Variants in PLA2G2D observed in about 807,000 individuals in gnomAD.
PLA2G2D encodes group IID secretory phospholipase A2.
Under a neutral mutation model 13.9 loss-of-function variants are expected in PLA2G2D, and 17 were observed. The observed-to-expected ratio is 1.23, with a 90% CI of 0.84 to 1.84. The LOEUF (loss-of-function observed/expected upper bound fraction) is 1.84, where lower values mean the gene tolerates loss of function less well. PLA2G2D is among the 40% of genes most tolerant of loss of function. The probability of loss-of-function intolerance (pLI) is 0.00; values close to 1 mark genes in which losing one functional copy is unlikely to be tolerated. For missense variants in PLA2G2D, 194 were observed against 178.7 expected, an observed-to-expected ratio of 1.09 and a Z score of -0.49; for synonymous variants, 83 against 69.3, an observed-to-expected ratio of 1.20 and a Z score of -0.98.
At position 20,116,489 on chromosome 1, in the gene PLA2G2D, C is replaced by A; in HGVS notation, c.41-12G>T. On this transcript the variant is annotated splice_polypyrimidine_tract_variant and intron_variant, in intron 1 of 3. Coordinates refer to ENST00000375105, the MANE Select transcript of PLA2G2D (RefSeq NM_012400.4). ...GATTGGAATCACACCTGCCAAGCAG[C>A]CCAGCAACCAGGAGAGAAGAGGAGA... 2 of 1,614,068 alleles carry A rather than the reference C, an allele frequency of 1.2e-6. No homozygotes were observed. Among genetic ancestry groups the A allele is most frequent in the South Asian group, 2.2e-5 (2 of 91,076 alleles).
chr1:20,118,623 C>A (rs1253036039), intron 1 of PLA2G2D, among the ~76,000 whole-genome samples: 2 of 152,168 alleles, frequency 1.3e-5, no homozygotes, highest in Non-Finnish European at 2.9e-5. Context: ...CCATTAGAGT[C>A]CCTCTAACAG....
At position 20,113,682 on chromosome 1, in the gene PLA2G2D, T is replaced by C. The variant is rs1006755456; in HGVS notation, c.*432A>G. 3.8e-5 allele frequency: 6 copies of C among 159,154 alleles called. No homozygotes were observed. The highest frequency in any genetic ancestry group is 7.2e-5 in the African/African-American group (3 of 41,562). The allele number at this position is 159,154 out of a possible 1,614,324, so 9.9% of individuals were successfully genotyped here. ...TATGAGAGGCTTTATCTTAGGACAG[T>C]GGAGGGCCTTGAGGTTTTAAAAGAT... On this transcript the variant is annotated 3_prime_UTR_variant, in exon 4 of 4. Transcript: ENST00000375105.
chr1:20,114,038 A>T lies in PLA2G2D; in HGVS notation c.*76T>A. Reference sequence around the variant, plus strand: ...CTCCCCCCGGAGTGTTTGAAAAGCCAGGCTGGTTCAGGTTAGATACTGAGG... The same window carrying T: ...CTCCCCCCGGAGTGTTTGAAAAGCCTGGCTGGTTCAGGTTAGATACTGAGG... On this transcript the variant is annotated 3_prime_UTR_variant, in exon 4 of 4. Coordinates refer to ENST00000375105, the MANE Select transcript of PLA2G2D (RefSeq NM_012400.4). The T allele has an allele frequency of 7.1e-7, 1 of 1,411,904 alleles. No homozygotes were observed. The highest frequency in any genetic ancestry group is 9.7e-7 in the Non-Finnish European group (1 of 1,026,984). The allele number at this position is 1,411,904 out of a possible 1,614,324, so 87.5% of individuals were successfully genotyped here.
intron 2 of PLA2G2D, 30 bp from the exon 3 acceptor site, chr1:20,115,643 G>C: frequency 7.2e-7 from 1 of 1,393,642 alleles, no homozygotes; most frequent in South Asian, 1.2e-5. Context: ...CAGCTGCATG[G>C]GTCCCCAGCC....
chr1:20,119,146 G>A lies in PLA2G2D; in HGVS notation c.40+313C>T, dbSNP rs148494089. Among the ~76,000 whole-genome samples, 5 of 152,288 alleles carry A rather than the reference G, an allele frequency of 3.3e-5. No homozygotes were observed. The East Asian group carries it at 7.7e-4, about 23-fold the overall frequency. On this transcript the variant is annotated intron_variant, in intron 1 of 3. Coordinates refer to ENST00000375105, the MANE Select transcript of PLA2G2D (RefSeq NM_012400.4). ...GCTCCTATTCAGTGGGAGAGGTAGG[G>A]GTGAAGTGACCTGTGTCCAAAGCGT...
At chr1:20,117,053 TTAAA>T (rs1406240694) in intron 1 of PLA2G2D, among the ~76,000 whole-genome samples, 1 of 152,170 alleles carries the variant, frequency 6.6e-6, no homozygotes, top group African/African-American at 2.4e-5. Context: ...TACTGTCATA[TTAAA>T]TAAATAAACT....
In PLA2G2D at chr1:20,114,192, C is replaced by T. The variant is rs775242983; in HGVS notation, c.360G>A (p.Lys120=). 3 of 1,614,078 alleles carry T rather than the reference C, an allele frequency of 1.9e-6. No individual in the cohort carries two copies. The highest frequency in any genetic ancestry group is 2.5e-6 in the Non-Finnish European group (3 of 1,179,972). Reference sequence around the variant, plus strand: ...GCTTCTGGTAGGTGTCCAGGTTGCGCTTCAGGCAGAAGGCCACCTCCTTGT... The same window carrying T: ...GCTTCTGGTAGGTGTCCAGGTTGCGTTTCAGGCAGAAGGCCACCTCCTTGT... ...ACDKEVAFCL[K]RNLDTYQKRL... is the part of the protein sequence containing the mutation. The change falls in exon 4 of 4, where the codon AAG becomes AAA. Residue 120 remains lysine, a synonymous_variant. Coordinates refer to ENST00000375105, the MANE Select transcript of PLA2G2D (RefSeq NM_012400.4).
rs58075877 is a variant in PLA2G2D, at chr1:20,112,479, G to A, written c.*1635C>T. 6.6e-6 allele frequency: 1 copy of A among 152,114 alleles called. No individual in the cohort carries two copies. The highest frequency in any genetic ancestry group is 2.4e-5 in the African/African-American group (1 of 41,392). 9.4% of individuals were successfully genotyped at this position (152,114 alleles called of 1,614,324 possible). The stretch of plus-strand genomic sequence containing the variant: ...AGTCACCACATCTCAGAACTGCTCA[G>A]TCAGCTGAGGCACAGATGGTGCCAC... On this transcript the variant is annotated 3_prime_UTR_variant, in exon 4 of 4. Transcript: ENST00000375105.
rs1557766064 is a variant in PLA2G2D, at chr1:20,111,969, T to TTTTATTTTATTTTA, written c.*2144_*2145insTAAAATAAAATAAA. ...TTTTATTTTATTTTATTTTATTTTA[T>TTTTATTTTATTTTA]TTTATTTTATTTTTTGAGACAGAGT... On this transcript the variant is annotated 3_prime_UTR_variant, in exon 4 of 4. Transcript: ENST00000375105. 4 of 150,062 alleles carry TTTTATTTTATTTTA rather than the reference T, an allele frequency of 2.7e-5. No individual in the cohort carries two copies. Among genetic ancestry groups the TTTTATTTTATTTTA allele is most frequent in the Non-Finnish European group, 5.9e-5 (4 of 67,718 alleles). The allele number at this position is 150,062 out of a possible 1,614,324, so 9.3% of individuals were successfully genotyped here. A position where few individuals can be genotyped will look rare whatever the true frequency, so the allele number is the denominator to read the frequency against.
intron 2 of PLA2G2D, 115 bp downstream of exon 2, chr1:20,116,218 G>T: frequency 9.1e-7 from 1 of 1,093,250 alleles, no homozygotes; most frequent in Non-Finnish European, 1.4e-6. Flanking sequence ...TTAGCACATA[G>T]TAGATGCTCA....
At chr1:20,116,305 G>C in intron 2 of PLA2G2D, 28 bp downstream of exon 2, 1 of 1,611,124 alleles carries the variant, frequency 6.2e-7, no homozygotes, top group Non-Finnish European at 8.5e-7. Flanking sequence ...GGACAGTATA[G>C]GATTGCCAGC....
In PLA2G2D at chr1:20,119,441, G is replaced by A; in HGVS notation, c.40+18C>T. 3.7e-6 allele frequency: 6 copies of A among 1,610,410 alleles called. No individual in the cohort carries two copies. Among genetic ancestry groups the A allele is most frequent in the Non-Finnish European group, 4.2e-6 (5 of 1,176,842 alleles). On this transcript the variant is annotated intron_variant, in intron 1 of 3. Transcript: ENST00000375105. ...CTCCCTCCTTCCCTTCCCAGCCTGGGTCCCGTCCCCGACTCACCAGCCATC... is the reference window on the plus strand; with the variant it reads ...CTCCCTCCTTCCCTTCCCAGCCTGGATCCCGTCCCCGACTCACCAGCCATC...
intron 1 of PLA2G2D, among the ~76,000 whole-genome samples, chr1:20,117,582 A>T (rs2017015007): frequency 6.6e-6 from 1 of 152,190 alleles, no homozygotes; most frequent in South Asian, 2.1e-4. Context: ...GGAGAAATAA[A>T]ATATATTAAG....
chr1:20,115,444 C>G (rs2016964918), intron 3 of PLA2G2D, 63 bp downstream of exon 3: 1 of 915,302 alleles, frequency 1.1e-6, no homozygotes, highest in Non-Finnish European at 1.8e-6. Flanking sequence ...GCTGTGAAGG[C>G]AGTGGGGGCC....
At position 20,114,228 on chromosome 1, in the gene PLA2G2D, C is replaced by T. The variant is rs758251936; in HGVS notation, c.324G>A (p.Leu108=). The T allele has an allele frequency of 6.2e-7, 1 of 1,614,078 alleles. No individual in the cohort carries two copies. Among genetic ancestry groups the T allele is most frequent in the South Asian group, 1.1e-5 (1 of 91,064 alleles). ...SDKGSWCEQQ[L]CACDKEVAFC... ...AGGCCACCTCCTTGTCACAGGCACA[C>T]AGCTGCTGCTCACACCAGCTTCCCT... The change falls in exon 4 of 4, where the codon CTG becomes CTA. Residue 108 remains leucine, a synonymous_variant. Coordinates refer to ENST00000375105, the MANE Select transcript of PLA2G2D (RefSeq NM_012400.4).
At chr1:20,116,516 G>T in intron 1 of PLA2G2D, 39 bp from the exon 2 acceptor site, 2 of 1,611,626 alleles carry the variant, frequency 1.2e-6, no homozygotes, top group Non-Finnish European at 1.7e-6. Flanking sequence ...AAGAGGAGAT[G>T]AATTTCAGGG....
chr1:20,119,370 G>A (rs2017047647), intron 1 of PLA2G2D, 89 bp downstream of exon 1: 5 of 1,161,372 alleles, frequency 4.3e-6, no homozygotes, highest in South Asian at 2.4e-5. Context: ...GGGGATCAGA[G>A]CAGCAGCCCC....
In PLA2G2D at chr1:20,112,091, T is replaced by G. The variant is rs1166950491; in HGVS notation, c.*2023A>C. 1 of 151,844 alleles carries G rather than the reference T, an allele frequency of 6.6e-6. No homozygotes were observed. Among genetic ancestry groups the G allele is most frequent in the Non-Finnish European group, 1.5e-5 (1 of 67,946 alleles). 9.4% of individuals were successfully genotyped at this position (151,844 alleles called of 1,614,324 possible). Reference sequence around the variant, plus strand: ...AAGTGATTCTCCTGCCTCAGCCTCCTGAATAGCTGGGATTACAGGCACCCA... The same window carrying G: ...AAGTGATTCTCCTGCCTCAGCCTCCGGAATAGCTGGGATTACAGGCACCCA... On this transcript the variant is annotated 3_prime_UTR_variant, in exon 4 of 4. Transcript: ENST00000375105.
At position 20,112,458 on chromosome 1, in the gene PLA2G2D, A is replaced by G. The variant is rs796678476; in HGVS notation, c.*1656T>C. 3 of 152,246 alleles carry G rather than the reference A, an allele frequency of 2.0e-5. No homozygotes were observed. The highest frequency in any genetic ancestry group is 7.2e-5 in the African/African-American group (3 of 41,530). 9.4% of individuals were successfully genotyped at this position (152,246 alleles called of 1,614,324 possible). On this transcript the variant is annotated 3_prime_UTR_variant, in exon 4 of 4. Transcript: ENST00000375105. ...CCTATGACACCACTTCACATGAGTC[A>G]CCACATCTCAGAACTGCTCAGTCAG... is the stretch of plus-strand genomic sequence containing the variant.
Sources: gnomAD v4.1 joint callset for allele counts (sites outside exome capture counted in the v4.1 genomes callset) on GRCh38, gnomAD v4.1.1 for gene constraint, MANE v1.5 for transcripts, NCBI Gene and HGNC (gene_info 2026-07-23, HGNC 2026-07-21) for gene names.